The following PTPRR variants were observed in gnomAD, a reference collection of about 807,000 sequenced individuals.
PTPRR encodes receptor-type tyrosine-protein phosphatase R.
PTPRR carries 38 observed loss-of-function variants against 77.2 expected under a neutral mutation model. That is an observed-to-expected ratio of 0.49 (90% CI 0.38 to 0.65). The LOEUF (loss-of-function observed/expected upper bound fraction) is 0.65, where lower values mean the gene tolerates loss of function less well. Ranked by LOEUF, PTPRR falls within the 30% of genes least tolerant of loss-of-function variation. The pLI is 0.00. For synonymous variants in PTPRR, 299 were observed against 283.1 expected (o/e 1.06, Z -0.57); for missense variants, 744 against 799.2 (o/e 0.93, Z 0.83).
chr12:70,767,664 C>A (rs1325568743), intron 2 of PTPRR, among the ~76,000 whole-genome samples: 2 of 152,168 alleles, frequency 1.3e-5, no homozygotes, highest in Non-Finnish European at 2.9e-5. Context: ...ACCAAGCAGA[C>A]CTAATAGACA....
chr12:70,681,212 A>G (rs1166950846), intron 10 of PTPRR, among the ~76,000 whole-genome samples: 1 of 152,118 alleles, frequency 6.6e-6, no homozygotes, highest in Non-Finnish European at 1.5e-5. Flanking sequence ...TAGCCTTAGG[A>G]ATGAAAAGAG....
chr12:70,815,362 T>C (rs1369709116), intron 2 of PTPRR, among the ~76,000 whole-genome samples: 2 of 152,044 alleles, frequency 1.3e-5, no homozygotes, highest in Non-Finnish European at 2.9e-5. Flanking sequence ...GCCTAATAAA[T>C]TGGTGGGGGG....
chr12:70,716,298 A>G (rs1889026658), intron 6 of PTPRR, among the ~76,000 whole-genome samples: 1 of 151,752 alleles, frequency 6.6e-6, no homozygotes, highest in Non-Finnish European at 1.5e-5. Context: ...TAGAATTGTT[A>G]ATAATTTTCA....
chr12:70,904,971 AAGT>A (rs1373688370), intron 1 of PTPRR, among the ~76,000 whole-genome samples: 1 of 151,716 alleles, frequency 6.6e-6, no homozygotes, highest in Non-Finnish European at 1.5e-5. Flanking sequence ...CTTTTTAAGA[AAGT>A]AGAGATTTTG....
chr12:70,718,715 C>A (rs1001189163), intron 6 of PTPRR, among the ~76,000 whole-genome samples: 13 of 152,078 alleles, frequency 8.5e-5, no homozygotes, highest in African/African-American at 3.1e-4. Context: ...TAGTTTTCAA[C>A]AATTTAAATA....
chr12:70,789,383 G>T (rs1362837078), intron 2 of PTPRR, among the ~76,000 whole-genome samples: 4 of 151,932 alleles, frequency 2.6e-5, no homozygotes, highest in Non-Finnish European at 5.9e-5. Flanking sequence ...GGTCTTTATA[G>T]ATATCTTATT....
intron 10 of PTPRR, among the ~76,000 whole-genome samples, chr12:70,674,357 TC>T (rs1449418122): frequency 6.6e-6 from 1 of 152,196 alleles, no homozygotes; most frequent in Non-Finnish European, 1.5e-5. Context: ...GATCACAAAT[TC>T]TTTTATAATA....
At chr12:70,870,278 CG>C (rs1555181621) in intron 2 of PTPRR, among the ~76,000 whole-genome samples, 2 of 152,060 alleles carry the variant, frequency 1.3e-5, no homozygotes, top group Non-Finnish European at 2.9e-5. Context: ...CTTTGAGTGA[CG>C]GCCTACCTGA....
chr12:70,687,391 C>T (rs1887911677), intron 8 of PTPRR, among the ~76,000 whole-genome samples: 1 of 21,586 alleles, frequency 4.6e-5, no homozygotes, highest in Non-Finnish European at 2.2e-4. Flanking sequence ...TAGATTTGAG[C>T]TATAAGGGAT....
rs147577806 is a variant in PTPRR at position 70,765,085 on chromosome 12, A to G, written c.358-307T>C. On this transcript the variant is annotated intron_variant, in intron 2 of 13. Coordinates refer to ENST00000283228, the MANE Select transcript of PTPRR (RefSeq NM_002849.4). The stretch of plus-strand genomic sequence containing the variant: ...CTACAGCTCCCAGTGTGAGTGATGC[A>G]GAAGATGGGTGATTTCTGCATTTCC... Among the ~76,000 whole-genome samples, 1,457 of 152,336 alleles carry G rather than the reference A, an allele frequency of 9.6e-3. 34 individuals are homozygous for G. Among genetic ancestry groups the G allele is most frequent in the East Asian group, 0.095 (492 of 5,166 alleles).
At chr12:70,906,438 T>C (rs899447639) in intron 1 of PTPRR, among the ~76,000 whole-genome samples, 1 of 152,086 alleles carries the variant, frequency 6.6e-6, no homozygotes, top group African/African-American at 2.4e-5. Flanking sequence ...GTAAGGAGGC[T>C]AATATTAAAT....
chr12:70,748,404 A>C (rs376518826), intron 5 of PTPRR, among the ~76,000 whole-genome samples: 61 of 152,334 alleles, frequency 4.0e-4, no homozygotes, highest in African/African-American at 1.5e-3. Context: ...TAGCATATTC[A>C]TATTTCTCTA....
At chr12:70,818,503 G>C (rs1326662252) in intron 2 of PTPRR, among the ~76,000 whole-genome samples, 1 of 152,090 alleles carries the variant, frequency 6.6e-6, no homozygotes, top group Non-Finnish European at 1.5e-5. Context: ...AATATTATTT[G>C]AAAATTATTT....
intron 2 of PTPRR, among the ~76,000 whole-genome samples, chr12:70,838,655 G>C (rs950429177): frequency 1.3e-5 from 2 of 152,156 alleles, no homozygotes; most frequent in African/African-American, 4.8e-5. Context: ...CAGGAACATA[G>C]TGAAGAAAAA....
Position 70,754,287 on chromosome 12 carries a change from T to G in PTPRR, c.642A>C (p.Gln214His). The change falls in exon 5 of 14, where the codon CAA (glutamine) becomes CAC (histidine). Residue 214 changes from glutamine to histidine, a missense_variant. By Grantham distance (24) the Gln-to-His change is conservative. Around this residue, in one of 3 missense-constraint regions of PTPRR, gnomAD observed 570 missense variants for 573.2 expected, o/e 0.99. Coordinates refer to ENST00000283228, the MANE Select transcript of PTPRR (RefSeq NM_002849.4). Reference protein sequence around the residue: ...TEVSPEKNVLQGQHEADKIWS... With the variant: ...TEVSPEKNVLHGQHEADKIWS... ...AGATTTTGTCCGCTTCATGCTGCCC[T>G]TGTAAAACATTTTTCTTTAAAAGCA... The G allele has an allele frequency of 6.2e-7, 1 of 1,613,258 alleles. No individual in the cohort carries two copies. The highest frequency in any genetic ancestry group is 8.5e-7 in the Non-Finnish European group (1 of 1,179,696).
At chr12:70,760,883 G>A (rs899100462) in intron 4 of PTPRR, among the ~76,000 whole-genome samples, 7 of 152,196 alleles carry the variant, frequency 4.6e-5, no homozygotes, top group African/African-American at 1.7e-4. Context: ...CCATTCAGGA[G>A]TGAGATGGTG....
chr12:70,813,171 A>G (rs1410566219), intron 2 of PTPRR, among the ~76,000 whole-genome samples: 1 of 152,218 alleles, frequency 6.6e-6, no homozygotes, highest in East Asian at 1.9e-4. Flanking sequence ...ACATACATTC[A>G]TCATCTTGTA....
intron 6 of PTPRR, among the ~76,000 whole-genome samples, chr12:70,719,864 T>C (rs541410636): frequency 6.6e-6 from 1 of 152,324 alleles, no homozygotes; most frequent in South Asian, 2.1e-4. Context: ...TGCCTTTAAA[T>C]CTTACAATGG....
At chr12:70,726,729 T>C (rs1345903042) in intron 6 of PTPRR, among the ~76,000 whole-genome samples, 2 of 151,974 alleles carry the variant, frequency 1.3e-5, no homozygotes, top group African/African-American at 4.8e-5. Flanking sequence ...TACAGGTGTA[T>C]GCCATTATGC....
Sources: allele counts gnomAD v4.1 joint callset (sites outside exome capture counted in the v4.1 genomes callset), GRCh38; gene constraint gnomAD v4.1.1; regional missense constraint gnomAD v4.1.1; transcripts MANE v1.5; gene names NCBI Gene and HGNC (gene_info 2026-07-23, HGNC 2026-07-21).